CNTNAP4: variants seen among roughly 807,000 people sequenced by gnomAD.
The protein encoded by CNTNAP4 is contactin-associated protein-like 4.
A neutral mutation model predicts 148.4 loss-of-function variants in CNTNAP4; 98 were observed. The observed-to-expected ratio is 0.66, with a 90% CI of 0.56 to 0.78. The LOEUF (loss-of-function observed/expected upper bound fraction) is 0.78. Ranked by LOEUF, CNTNAP4 falls within the 30% of genes least tolerant of loss-of-function variation. CNTNAP4 has a pLI of 0.00. For synonymous variants in CNTNAP4, 730 were observed against 565.1 expected (o/e 1.29, Z -4.14); for missense variants, 1,935 against 1,565.6 (o/e 1.24, Z -3.98).
rs149415686 is a variant in CNTNAP4, at chr16:76,521,319, C to T, written c.2536+9C>T. The T allele has an allele frequency of 2.4e-5, 38 of 1,591,756 alleles. No individual in the cohort carries two copies. In the East Asian group the frequency reaches 7.4e-4, roughly 31 times the overall value. On this transcript the variant is annotated intron_variant, in intron 16 of 23. Coordinates refer to ENST00000611870, the MANE Select transcript of CNTNAP4 (RefSeq NM_033401.5). Reference sequence around the variant, plus strand: ...ACGGATAGAGCTTCGCTGTAAGTCTCCTTTTCCAGAGAAGTGTATGAGATT... The same window carrying T: ...ACGGATAGAGCTTCGCTGTAAGTCTTCTTTTCCAGAGAAGTGTATGAGATT...
chr16:76,553,794 T>G (rs898015406), intron 22 of CNTNAP4, 42 bp from the exon 23 acceptor site: 1 of 1,281,520 alleles, frequency 7.8e-7, no homozygotes, highest in Non-Finnish European at 1.1e-6. Flanking sequence ...CTTCTTTTAC[T>G]TGCCTATATC....
chr16:76,499,189 T>C (rs2143876898), intron 15 of CNTNAP4, among the ~76,000 whole-genome samples: 1 of 151,770 alleles, frequency 6.6e-6, no homozygotes, highest in East Asian at 1.9e-4. Flanking sequence ...TGCCTCAGCC[T>C]CCTGCACAAT....
chr16:76,295,942 C>G (rs1032230108), intron 1 of CNTNAP4, among the ~76,000 whole-genome samples: 1 of 152,122 alleles, frequency 6.6e-6, no homozygotes, highest in African/African-American at 2.4e-5. Flanking sequence ...CTCAGCCTCC[C>G]AAGTAGACTA....
intron 17 of CNTNAP4, among the ~76,000 whole-genome samples, chr16:76,526,922 C>T (rs138041065): frequency 6.6e-6 from 1 of 152,132 alleles, no homozygotes; most frequent in South Asian, 2.1e-4. Flanking sequence ...GCTCCACCCC[C>T]CTCAGCCTCC....
chr16:76,488,907 C>T (rs928092192), intron 12 of CNTNAP4, among the ~76,000 whole-genome samples: 6 of 152,078 alleles, frequency 3.9e-5, no homozygotes, highest in African/African-American at 1.2e-4. Context: ...CATTCAGGCA[C>T]CAATAGTGAT....
chr16:76,327,908 C>T (rs929315256), intron 2 of CNTNAP4, among the ~76,000 whole-genome samples: 1 of 132,938 alleles, frequency 7.5e-6, no homozygotes, highest in Non-Finnish European at 1.7e-5. Context: ...TTTCCTTTGG[C>T]CTTCCGTCAT....
At chr16:76,432,256 G>T (rs910830034) in intron 4 of CNTNAP4, among the ~76,000 whole-genome samples, 5 of 152,094 alleles carry the variant, frequency 3.3e-5, no homozygotes, top group Non-Finnish European at 5.9e-5. Flanking sequence ...GATTATTACA[G>T]GAAAATGGCT....
intron 3 of CNTNAP4, among the ~76,000 whole-genome samples, chr16:76,426,999 A>G (rs750594197): frequency 1.3e-5 from 2 of 152,198 alleles, no homozygotes; most frequent in Non-Finnish European, 2.9e-5. Flanking sequence ...AAGATGAGAA[A>G]GTGAAAGAAC....
At chr16:76,405,157 C>G (rs1277098541) in intron 3 of CNTNAP4, among the ~76,000 whole-genome samples, 3 of 152,112 alleles carry the variant, frequency 2.0e-5, no homozygotes, top group Non-Finnish European at 4.4e-5. Context: ...TAAAGAGTTT[C>G]TCATTGATAG....
chr16:76,426,684 C>CATAT (rs1331220626), intron 3 of CNTNAP4, among the ~76,000 whole-genome samples: 2 of 152,060 alleles, frequency 1.3e-5, no homozygotes, highest in African/African-American at 4.8e-5. Context: ...CTGGCCCTAC[C>CATAT]ATGTAATGGT....
intron 3 of CNTNAP4, among the ~76,000 whole-genome samples, chr16:76,373,686 G>A (rs1200063169): frequency 6.6e-6 from 1 of 151,986 alleles, no homozygotes; most frequent in African/African-American, 2.4e-5. Context: ...CCTGAGCTCA[G>A]GAGTTCAAGA....
chr16:76,528,269 T>A (rs983539650), intron 17 of CNTNAP4, among the ~76,000 whole-genome samples: 2 of 152,174 alleles, frequency 1.3e-5, no homozygotes, highest in African/African-American at 4.8e-5. Context: ...TAACATTTTT[T>A]AAAAATTTGA....
chr16:76,333,878 C>T (rs146085147), intron 2 of CNTNAP4, among the ~76,000 whole-genome samples: 11 of 145,982 alleles, frequency 7.5e-5, no homozygotes, highest in South Asian at 2.1e-4. Context: ...CCACCAACAG[C>T]GTAAAAGTGT....
At chr16:76,390,810 T>C (rs572401465) in intron 3 of CNTNAP4, among the ~76,000 whole-genome samples, 6 of 152,340 alleles carry the variant, frequency 3.9e-5, no homozygotes, top group Admixed American at 2.0e-4. Context: ...TATAGGACTT[T>C]ACCCTCCTCA....
intron 2 of CNTNAP4, among the ~76,000 whole-genome samples, chr16:76,339,432 A>G (rs535891749): frequency 9.2e-5 from 14 of 152,248 alleles, no homozygotes; most frequent in African/African-American, 3.4e-4. Context: ...AAATTTTAAG[A>G]TATTTATGTT....
chr16:76,464,019 G>A (rs2081083048), intron 9 of CNTNAP4, among the ~76,000 whole-genome samples: 1 of 152,054 alleles, frequency 6.6e-6, no homozygotes, highest in African/African-American at 2.4e-5. Context: ...AGATTCTATT[G>A]GTCATTAAAT....
At chr16:76,476,144 C>A in intron 11 of CNTNAP4, 99 bp downstream of exon 11, 1 of 758,556 alleles carries the variant, frequency 1.3e-6, no homozygotes, top group Non-Finnish European at 2.2e-6. Context: ...TCTGTGCAAA[C>A]TCAGCATCCA....
At chr16:76,311,750 C>T (rs534133427) in intron 1 of CNTNAP4, among the ~76,000 whole-genome samples, 13 of 152,196 alleles carry the variant, frequency 8.5e-5, no homozygotes, top group African/African-American at 1.9e-4. Context: ...ATTGTACAGA[C>T]GTCCATGAAA....
chr16:76,330,162 T>A (rs8053597), intron 2 of CNTNAP4, among the ~76,000 whole-genome samples: 36 of 152,194 alleles, frequency 2.4e-4, no homozygotes, highest in Admixed American at 2.4e-3. Context: ...CTGCTTGTAA[T>A]TATTTTTCTT....
Sources: allele counts gnomAD v4.1 joint callset (sites outside exome capture counted in the v4.1 genomes callset), GRCh38; gene constraint gnomAD v4.1.1; transcripts MANE v1.5; gene names NCBI Gene and HGNC (gene_info 2026-07-23, HGNC 2026-07-21).